The following CDC42BPB variants were observed in gnomAD, a reference collection of about 807,000 sequenced individuals.
CDC42BPB encodes the protein serine/threonine-protein kinase MRCK beta.
In CDC42BPB, 37 loss-of-function variants were observed where a neutral mutation model predicts 214.9. The ratio of observed to expected loss-of-function variants is 0.17; its 90% CI spans 0.13 to 0.23. CDC42BPB has a LOEUF of 0.23. Ranked by LOEUF, CDC42BPB falls within the 10% of genes least tolerant of loss-of-function variation. CDC42BPB has a pLI of 1.00. For missense variants in CDC42BPB, 1,694 were observed against 2,227.0 expected (o/e 0.76, Z 4.82); for synonymous variants, 931 against 884.0 (o/e 1.05, Z -0.94).
chr14:103,004,712 T>C lies in CDC42BPB; in HGVS notation c.352-689A>G, dbSNP rs1304143573. ...ATGAAACCCTGTCTCTACTAAAAAC[T>C]AGAAAAACTAGCCAGGTGTGGTGGC... On this transcript the variant is annotated intron_variant, in intron 3 of 36. Coordinates refer to ENST00000361246, the MANE Select transcript of CDC42BPB (RefSeq NM_006035.4). The surrounding 1 kb of genome is among the most constrained non-coding windows in gnomAD (Gnocchi z 5.3). Among the ~76,000 whole-genome samples, 3 of 151,142 alleles carry C rather than the reference T, an allele frequency of 2.0e-5. No homozygotes were observed. Among genetic ancestry groups the C allele is most frequent in the Non-Finnish European group, 2.9e-5 (2 of 67,816 alleles).
intron 7 of CDC42BPB, among the ~76,000 whole-genome samples, chr14:102,981,849 C>T (rs914789909): frequency 1.3e-5 from 2 of 152,176 alleles, no homozygotes; most frequent in East Asian, 1.9e-4. Context: ...ACCACAGATA[C>T]AATGACAAAA....
At chr14:102,977,949 T>C (rs908213116) in intron 9 of CDC42BPB, among the ~76,000 whole-genome samples, 177 bp downstream of exon 9, 9 of 152,220 alleles carry the variant, frequency 5.9e-5, no homozygotes, top group African/African-American at 2.2e-4. Context: ...TGGTATCACC[T>C]GTAGTCATCA....
At chr14:103,053,104 C>CT (rs1211001730) in intron 1 of CDC42BPB, among the ~76,000 whole-genome samples, 7 of 151,574 alleles carry the variant, frequency 4.6e-5, no homozygotes, top group Admixed American at 4.6e-4. Context: ...AATCCCAGCA[C>CT]TTTGAGAGGC....
intron 24 of CDC42BPB, 115 bp downstream of exon 24, chr14:102,952,383 A>G: frequency 1.5e-6 from 1 of 645,476 alleles, no homozygotes; most frequent in East Asian, 2.8e-5. Flanking sequence ...TGCCAATGAC[A>G]TTTCACTTTA....
At chr14:102,946,857 A>C in intron 27 of CDC42BPB, 173 bp from the exon 28 acceptor site, 3 of 985,440 alleles carry the variant, frequency 3.0e-6, no homozygotes, top group Non-Finnish European at 3.6e-6. Flanking sequence ...CTCCCGCGGC[A>C]GGACACGGAA....
Position 103,048,532 on chromosome 14 carries a change from C to CAAAAAAAAAAAAAAAAAA in CDC42BPB, c.175+8449_175+8466dup, listed in dbSNP as rs71119751. 1.9e-4 allele frequency among the ~76,000 whole-genome samples: 8 copies of CAAAAAAAAAAAAAAAAAA among 42,650 alleles called. 1 individual carries two copies. The highest frequency in any genetic ancestry group is 2.0e-4 in the Non-Finnish European group (5 of 24,720). The allele number at this position is 42,650 out of a possible 152,430, so 28.0% of individuals were successfully genotyped here. ...TGAAACCCTGTTTCTACTAAAAATACAAAAAAAAAAAAAAAAAAAAAAAAA... is the reference window on the plus strand; with the variant it reads ...TGAAACCCTGTTTCTACTAAAAATACAAAAAAAAAAAAAAAAAAAAAAAAAAAAAAAAAAAAAAAAAAA... On this transcript the variant is annotated intron_variant, in intron 1 of 36. Coordinates refer to ENST00000361246, the MANE Select transcript of CDC42BPB (RefSeq NM_006035.4).
chr14:102,936,071 G>A (rs1891635534), intron 36 of CDC42BPB, among the ~76,000 whole-genome samples: 1 of 152,174 alleles, frequency 6.6e-6, no homozygotes, highest in African/African-American at 2.4e-5. Context: ...TAGCCACCAG[G>A]ACGACTATTA....
At chr14:103,031,246 G>A (rs1424948807) in intron 1 of CDC42BPB, among the ~76,000 whole-genome samples, 6 of 151,964 alleles carry the variant, frequency 3.9e-5, no homozygotes, top group East Asian at 1.9e-4. Flanking sequence ...CCACGTAAAC[G>A]CAGTAATAAA....
chr14:102,966,093 T>G (rs140187706), intron 18 of CDC42BPB, among the ~76,000 whole-genome samples, 189 bp downstream of exon 18: 2 of 152,356 alleles, frequency 1.3e-5, no homozygotes, highest in Non-Finnish European at 2.9e-5. Context: ...AACGAATGAA[T>G]GCTGTCGAGA....
intron 1 of CDC42BPB, among the ~76,000 whole-genome samples, chr14:103,017,090 G>C (rs1230538656): frequency 6.6e-6 from 1 of 152,182 alleles, no homozygotes; most frequent in Non-Finnish European, 1.5e-5. Context: ...GGGAGGCTGA[G>C]GCAAGAGGAC....
Position 102,999,730 on chromosome 14 carries a change from G to A in CDC42BPB, c.448-17C>T, listed in dbSNP as rs890505503. 1 of 1,614,032 alleles carries A rather than the reference G, an allele frequency of 6.2e-7. No individual in the cohort carries two copies. Among genetic ancestry groups the A allele is most frequent in the Non-Finnish European group, 8.5e-7 (1 of 1,179,920 alleles). ...GACTAAGTACTACAAATTGGAAAGA[G>A]AAGGGGAGAGAATACCACATTTAGT... On this transcript the variant is annotated splice_polypyrimidine_tract_variant and intron_variant, in intron 4 of 36. Coordinates refer to ENST00000361246, the MANE Select transcript of CDC42BPB (RefSeq NM_006035.4).
intron 2 of CDC42BPB, among the ~76,000 whole-genome samples, chr14:103,009,616 A>G (rs952678113): frequency 1.3e-5 from 2 of 152,178 alleles, no homozygotes; most frequent in Non-Finnish European, 2.9e-5. Context: ...ATAACCGTAA[A>G]CCATTCTGTT....
chr14:103,005,164 T>G (rs1401987613), intron 3 of CDC42BPB, among the ~76,000 whole-genome samples: 1 of 135,834 alleles, frequency 7.4e-6, no homozygotes. Flanking sequence ...CGAGACTCTG[T>G]CTCAAAAAAA....
At chr14:102,959,153 C>T (rs1010004879) in intron 21 of CDC42BPB, among the ~76,000 whole-genome samples, 27 of 151,644 alleles carry the variant, frequency 1.8e-4, no homozygotes, top group Non-Finnish European at 1.3e-4. Flanking sequence ...AAAAATTAGC[C>T]GGGCGTGGTG....
intron 3 of CDC42BPB, 92 bp downstream of exon 3, chr14:103,008,379 TG>T: frequency 3.6e-6 from 3 of 831,212 alleles, no homozygotes; most frequent in Non-Finnish European, 4.2e-6. Flanking sequence ...CCCAGGGCTG[TG>T]GGGTGGCTGC....
intron 4 of CDC42BPB, chr14:103,000,027 C>G: frequency 2.7e-6 from 1 of 374,238 alleles, no homozygotes; most frequent in South Asian, 1.1e-4. Flanking sequence ...AGCAGAAGCA[C>G]AGTTAATAGC....
rs35828352 is a variant in CDC42BPB, at chr14:102,944,258, G to A, written c.4041C>T (p.Ala1347=). 1.1e-3 allele frequency: 1,848 copies of A among 1,613,254 alleles called. 20 individuals are homozygous for A. The African/African-American group carries it at 0.022, about 19-fold the overall frequency. The change falls in exon 30 of 37, where the codon GCC becomes GCT. Residue 1347 remains alanine (A), a synonymous_variant. Coordinates refer to ENST00000361246, the MANE Select transcript of CDC42BPB (RefSeq NM_006035.4). This position sits in a 1 kb window ranked among gnomAD's most constrained non-coding sequence, Gnocchi z 6.6. Reference sequence around the variant, plus strand: ...CATAGCAAAGGATCAGCCGTTTCACGGCCACAAACAGGCAGGTGCCAGAGT... The same window carrying A: ...CATAGCAAAGGATCAGCCGTTTCACAGCCACAAACAGGCAGGTGCCAGAGT... ...KRNSGTCLFV[A]VKRLILCYEI...
chr14:102,938,513 T>C, intron 34 of CDC42BPB, 102 bp from the exon 35 acceptor site: 1 of 1,456,198 alleles, frequency 6.9e-7, no homozygotes, highest in Non-Finnish European at 9.0e-7. Context: ...GTGACCTTGA[T>C]GAGCAAAATG....
At chr14:102,973,891 T>C in intron 12 of CDC42BPB, 125 bp downstream of exon 12, 1 of 1,231,056 alleles carries the variant, frequency 8.1e-7, no homozygotes, top group African/African-American at 1.5e-5. Flanking sequence ...CCTGGCGTCC[T>C]GCATGCAGCA....
Sources: gnomAD v4.1 joint callset for allele counts (sites outside exome capture counted in the v4.1 genomes callset) on GRCh38, gnomAD v4.1.1 for gene constraint, Gnocchi (gnomAD v3.1) non-coding constraint, MANE v1.5 for transcripts, NCBI Gene and HGNC (gene_info 2026-07-23, HGNC 2026-07-21) for gene names.